The following ARHGAP6 variants were observed in gnomAD, a reference collection of about 807,000 sequenced individuals.
The protein encoded by ARHGAP6 is Rho GTPase activating protein 6, also known as rho GTPase-activating protein 6.
Under a neutral mutation model 55.7 loss-of-function variants are expected in ARHGAP6, and 16 were observed. The observed-to-expected ratio is 0.29, with a 90% CI of 0.19 to 0.44. The LOEUF is 0.44. Ranked by LOEUF, ARHGAP6 falls within the 20% of genes least tolerant of loss-of-function variation. The pLI is 1.00. For missense variants in ARHGAP6, 698 were observed against 808.9 expected, an observed-to-expected ratio of 0.86 and a Z score of 1.66; for synonymous variants, 382 against 360.9, an observed-to-expected ratio of 1.06 and a Z score of -0.66.
chrX:11,361,656 G>C (rs1391529665), intron 1 of ARHGAP6, among the ~76,000 whole-genome samples: 1 of 110,358 alleles, frequency 9.1e-6, no homozygotes, highest in African/African-American at 3.3e-5. Flanking sequence ...TGACAAATGG[G>C]ATCTAATTAA....
At chrX:11,204,250 G>A (rs1191264973) in intron 2 of ARHGAP6, among the ~76,000 whole-genome samples, 1 of 111,553 alleles carries the variant, frequency 9.0e-6, no homozygotes, top group Non-Finnish European at 1.9e-5. Flanking sequence ...CTGTTCTGTG[G>A]CTTCTCTTCT....
intron 2 of ARHGAP6, among the ~76,000 whole-genome samples, chrX:11,252,222 G>C (rs1274553014): frequency 1.8e-5 from 2 of 112,698 alleles, no homozygotes; most frequent in African/African-American, 6.4e-5. Flanking sequence ...AAGCCACAGA[G>C]AGTATCTGTT....
At chrX:11,581,562 T>C (rs1430472443) in intron 1 of ARHGAP6, among the ~76,000 whole-genome samples, 1 of 112,033 alleles carries the variant, frequency 8.9e-6, no homozygotes, top group Non-Finnish European at 1.9e-5. Context: ...GGTCTATCCA[T>C]ACCCTGGAAG....
chrX:11,418,419 T>A (rs2049780976), intron 1 of ARHGAP6, among the ~76,000 whole-genome samples: 1 of 111,742 alleles, frequency 8.9e-6, no homozygotes, highest in Non-Finnish European at 1.9e-5. Flanking sequence ...ATGTGCAATT[T>A]TAAGAGTTAA....
In ARHGAP6 at chrX:11,418,735, C is replaced by T. The variant is rs1395806293; in HGVS notation, c.589-164028G>A. Among the ~76,000 whole-genome samples the T allele has an allele frequency of 5.4e-5, 6 of 111,613 alleles. No individual in the cohort carries two copies. In the East Asian group the frequency reaches 8.4e-4, roughly 16 times the overall value. On this transcript the variant is annotated intron_variant, in intron 1 of 12. Transcript: ENST00000337414. ...AAAATCCTTAAAAGCAAGCACACCA[C>T]GTATGGATGGAGCTGGCATAGCACC...
chrX:11,486,599 C>T (rs2050513029), intron 1 of ARHGAP6, among the ~76,000 whole-genome samples: 1 of 112,105 alleles, frequency 8.9e-6, no homozygotes, highest in Admixed American at 9.4e-5. Flanking sequence ...AATCCAAGAC[C>T]CATGACATCA....
chrX:11,529,396 T>C (rs1405449304), intron 1 of ARHGAP6, among the ~76,000 whole-genome samples: 1 of 111,955 alleles, frequency 8.9e-6, no homozygotes, highest in Non-Finnish European at 1.9e-5. Context: ...ATAAAATAAA[T>C]TACTAAAAAG....
rs760295041 is a variant in ARHGAP6 at position 11,442,488 on chromosome X, T to C, written c.589-187781A>G. Reference sequence around the variant, plus strand: ...CAACTGAGGCAGACAACACTTTGCATACAAACAGCTCCCCCAGTCTCCAGC... The same window carrying C: ...CAACTGAGGCAGACAACACTTTGCACACAAACAGCTCCCCCAGTCTCCAGC... On this transcript the variant is annotated intron_variant, in intron 1 of 12. Coordinates refer to ENST00000337414, the MANE Select transcript of ARHGAP6 (RefSeq NM_013427.3). 6.2e-5 allele frequency among the ~76,000 whole-genome samples: 7 copies of C among 112,079 alleles called. No homozygotes were observed. In the East Asian group the frequency reaches 2.0e-3, roughly 31 times the overall value.
At chrX:11,643,710 AT>A (rs1211401227) in intron 1 of ARHGAP6, among the ~76,000 whole-genome samples, 1 of 111,335 alleles carries the variant, frequency 9.0e-6, no homozygotes, top group Non-Finnish European at 1.9e-5. Flanking sequence ...AATCCCTTGA[AT>A]TTGGGCTGCC....
At chrX:11,540,929 A>G (rs1423886766) in intron 1 of ARHGAP6, among the ~76,000 whole-genome samples, 1 of 112,631 alleles carries the variant, frequency 8.9e-6, no homozygotes, top group African/African-American at 3.2e-5. Context: ...TGGCAGAAGA[A>G]TTGCATTTTG....
At chrX:11,146,105 G>A (rs981343045) in intron 10 of ARHGAP6, among the ~76,000 whole-genome samples, 1 of 112,411 alleles carries the variant, frequency 8.9e-6, no homozygotes, top group East Asian at 2.8e-4. Flanking sequence ...CCACAGTTAG[G>A]AGAAGGAGGA....
At chrX:11,226,387 A>G (rs60207200) in intron 2 of ARHGAP6, among the ~76,000 whole-genome samples, 17,098 of 110,532 alleles carry the variant, frequency 0.15, 1,020 homozygotes, top group Middle Eastern at 0.25. Context: ...AATCCAGTCT[A>G]TCATTGGTGG....
At chrX:11,589,460 A>G (rs768220025) in intron 1 of ARHGAP6, among the ~76,000 whole-genome samples, 43 of 106,904 alleles carry the variant, frequency 4.0e-4, no homozygotes, top group Non-Finnish European at 6.4e-4. Context: ...AGAAGACTGC[A>G]TGGAAAGACA....
intron 1 of ARHGAP6, among the ~76,000 whole-genome samples, chrX:11,500,891 AT>A (rs975666754): frequency 1.8e-5 from 2 of 110,902 alleles, no homozygotes; most frequent in African/African-American, 6.6e-5. Context: ...CATTAATGCC[AT>A]AACATGATTC....
rs1025307590 is a variant in ARHGAP6 at position 11,549,401 on chromosome X, A to T, written c.588+114840T>A. On this transcript the variant is annotated intron_variant, in intron 1 of 12. Coordinates refer to ENST00000337414, the MANE Select transcript of ARHGAP6 (RefSeq NM_013427.3). ...ACTATTCATCCAATGAAGGACTAAC[A>T]TCCACGATATAAAAAGAGCTCAACT... 3.6e-5 allele frequency among the ~76,000 whole-genome samples: 4 copies of T among 112,222 alleles called. No individual in the cohort carries two copies. In the Admixed American group the frequency reaches 3.8e-4, roughly 11 times the overall value.
intron 1 of ARHGAP6, among the ~76,000 whole-genome samples, chrX:11,272,502 T>C (rs917902781): frequency 1.2e-4 from 13 of 110,465 alleles, no homozygotes; most frequent in African/African-American, 4.3e-4. Context: ...TCCTCATTTC[T>C]TGCACCCTTC....
intron 1 of ARHGAP6, among the ~76,000 whole-genome samples, chrX:11,365,279 C>T (rs886613659): frequency 8.9e-6 from 1 of 111,857 alleles, no homozygotes; most frequent in Non-Finnish European, 1.9e-5. Flanking sequence ...GTACCCAGAT[C>T]GTAGGCCATG....
At chrX:11,332,357 C>A (rs1456403190) in intron 1 of ARHGAP6, among the ~76,000 whole-genome samples, 1 of 111,760 alleles carries the variant, frequency 8.9e-6, no homozygotes, top group Non-Finnish European at 1.9e-5. Context: ...TAATTTGCAA[C>A]TTTTTTCTTG....
At chrX:11,212,920 G>A (rs941634670) in intron 2 of ARHGAP6, among the ~76,000 whole-genome samples, 2 of 112,951 alleles carry the variant, frequency 1.8e-5, no homozygotes, top group African/African-American at 6.4e-5. Context: ...CCGCCTGCCC[G>A]TGCTCCTCGC....
Sources: allele counts gnomAD v4.1 joint callset (sites outside exome capture counted in the v4.1 genomes callset), GRCh38; gene constraint gnomAD v4.1.1; transcripts MANE v1.5; gene names NCBI Gene and HGNC (gene_info 2026-07-23, HGNC 2026-07-21).